SLC25A21: variants seen among roughly 807,000 people sequenced by gnomAD.
SLC25A21 encodes the protein solute carrier family 25 member 21.
Under a neutral mutation model 43.8 loss-of-function variants are expected in SLC25A21, and 47 were observed. The observed-to-expected ratio is 1.07, with a 90% CI of 0.85 to 1.37. SLC25A21 has a LOEUF of 1.37. Ranked by LOEUF, SLC25A21 falls within the 40% of genes most tolerant of loss-of-function variation. SLC25A21 has a pLI of 0.00. For synonymous variants in SLC25A21, 131 were observed against 121.3 expected (o/e 1.08, Z -0.52); for missense variants, 352 against 350.2 (o/e 1.00, Z -0.04).
intron 2 of SLC25A21, among the ~76,000 whole-genome samples, chr14:36,859,710 T>G (rs1890010943): frequency 6.6e-6 from 1 of 152,182 alleles, no homozygotes; most frequent in South Asian, 2.1e-4. Flanking sequence ...CTCTGTGGTG[T>G]AAAACCACAC....
intron 1 of SLC25A21, among the ~76,000 whole-genome samples, chr14:36,975,495 C>A (rs921053498): frequency 6.6e-6 from 1 of 152,118 alleles, no homozygotes; most frequent in African/African-American, 2.4e-5. Context: ...CTGAAGTGGA[C>A]ATTTCATTTG....
chr14:36,811,855 T>G (rs1480977151), intron 3 of SLC25A21, among the ~76,000 whole-genome samples: 3 of 152,186 alleles, frequency 2.0e-5, no homozygotes, highest in African/African-American at 7.2e-5. Flanking sequence ...GAAGAAATGT[T>G]TATAATCTTG....
chr14:36,981,764 C>A (rs938220254), intron 1 of SLC25A21, among the ~76,000 whole-genome samples: 3 of 152,030 alleles, frequency 2.0e-5, no homozygotes, highest in African/African-American at 7.3e-5. Flanking sequence ...GTGCAGCATA[C>A]CAACATGGCA....
At chr14:37,020,313 A>T (rs1960957135) in intron 1 of SLC25A21, among the ~76,000 whole-genome samples, 1 of 151,976 alleles carries the variant, frequency 6.6e-6, no homozygotes, top group Non-Finnish European at 1.5e-5. Flanking sequence ...ATAACATTTC[A>T]AGATACTAGT....
rs1342534676 is a variant in SLC25A21 at position 36,810,422 on chromosome 14, A to G, written c.203+3496T>C. Among the ~76,000 whole-genome samples the G allele has an allele frequency of 5.9e-5, 9 of 152,188 alleles. No individual in the cohort carries two copies. In the East Asian group the frequency reaches 1.7e-3, roughly 29 times the overall value. ...AGTAATGCTGACATTACTGTTTTGC[A>G]GGAAAGGGATACTTTCATTGGCTAT... On this transcript the variant is annotated intron_variant, in intron 3 of 9. Coordinates refer to ENST00000331299, the MANE Select transcript of SLC25A21 (RefSeq NM_030631.4).
At chr14:36,768,510 A>C (rs1886495502) in intron 3 of SLC25A21, among the ~76,000 whole-genome samples, 1 of 152,124 alleles carries the variant, frequency 6.6e-6, no homozygotes. Flanking sequence ...TCTGACATAC[A>C]CAGGCTTTCT....
chr14:37,096,957 C>T (rs1053782359), intron 1 of SLC25A21: 1 of 149,504 alleles, frequency 6.7e-6, no homozygotes, highest in African/African-American at 2.5e-5. Context: ...CATTGAAGGG[C>T]TAGGTGTTTA....
At chr14:36,687,761 C>G (rs903751306) in intron 7 of SLC25A21, among the ~76,000 whole-genome samples, 1 of 152,224 alleles carries the variant, frequency 6.6e-6, no homozygotes, top group Admixed American at 6.5e-5. Context: ...TCCCGTTCAT[C>G]CTCTCCTGGC....
intron 1 of SLC25A21, among the ~76,000 whole-genome samples, chr14:36,941,702 G>T (rs1298705969): frequency 6.6e-6 from 1 of 151,328 alleles, no homozygotes; most frequent in East Asian, 1.9e-4. Context: ...TTCATTAATG[G>T]TCAAAATATT....
At chr14:36,845,333 T>A (rs552024744) in intron 2 of SLC25A21, among the ~76,000 whole-genome samples, 1 of 152,218 alleles carries the variant, frequency 6.6e-6, no homozygotes, top group Non-Finnish European at 1.5e-5. Flanking sequence ...AAAAAAAGTA[T>A]GTTCAGAGCA....
Position 36,680,536 on chromosome 14 carries a change from T to TTTG in SLC25A21, c.*119_*121dup, listed in dbSNP as rs1428724225. ...CATTTTTTAAAGTATTAAAATAGAT[T>TTTG]TTGTTCTTGAACAGTTTTCTCCTTC... On this transcript the variant is annotated 3_prime_UTR_variant, in exon 10 of 10. Coordinates refer to ENST00000331299, the MANE Select transcript of SLC25A21 (RefSeq NM_030631.4). The TTTG allele has an allele frequency of 2.2e-6, 3 of 1,375,648 alleles. No individual in the cohort carries two copies. Among genetic ancestry groups the TTTG allele is most frequent in the Non-Finnish European group, 2.8e-6 (3 of 1,061,286 alleles). 85.2% of individuals were successfully genotyped at this position (1,375,648 alleles called of 1,614,324 possible).
At chr14:36,908,394 A>G (rs1891591444) in intron 1 of SLC25A21, among the ~76,000 whole-genome samples, 1 of 152,212 alleles carries the variant, frequency 6.6e-6, no homozygotes, top group South Asian at 2.1e-4. Flanking sequence ...ATGGTGGGAA[A>G]GCATACAGCA....
At chr14:37,013,521 C>A (rs1049356459) in intron 1 of SLC25A21, among the ~76,000 whole-genome samples, 3 of 152,208 alleles carry the variant, frequency 2.0e-5, no homozygotes, top group Middle Eastern at 3.4e-3. Context: ...GGCTTGTTTT[C>A]AAAAATCTCT....
At chr14:37,112,975 G>A (rs966775449) in intron 1 of SLC25A21, among the ~76,000 whole-genome samples, 16 of 151,980 alleles carry the variant, frequency 1.1e-4, no homozygotes, top group African/African-American at 1.9e-4. Context: ...AAAAAAAATC[G>A]GAATAGATGC....
rs533030989 is a variant in SLC25A21 at position 36,811,660 on chromosome 14, C to A, written c.203+2258G>T. On this transcript the variant is annotated intron_variant, in intron 3 of 9. Transcript: ENST00000331299. ...GAGTGAGAGTCCGTCTCAAAAAAAA[C>A]CCCCAAAGCAAAACAAAACAAAAAA... 4.6e-5 allele frequency among the ~76,000 whole-genome samples: 7 copies of A among 152,018 alleles called. No homozygotes were observed. The East Asian group carries it at 5.8e-4, about 13-fold the overall frequency.
intron 3 of SLC25A21, among the ~76,000 whole-genome samples, chr14:36,778,489 T>G (rs1886918394): frequency 6.6e-6 from 1 of 152,234 alleles, no homozygotes; most frequent in South Asian, 2.1e-4. Context: ...AAGGGTTCAC[T>G]CATTCATTCA....
At chr14:37,161,977 A>AG (rs1178438712) in intron 1 of SLC25A21, among the ~76,000 whole-genome samples, 3 of 150,816 alleles carry the variant, frequency 2.0e-5, no homozygotes, top group Non-Finnish European at 4.4e-5. Context: ...AAAAAAAAAA[A>AG]AAAAAAGAAA....
At chr14:37,012,955 T>C (rs568515207) in intron 1 of SLC25A21, among the ~76,000 whole-genome samples, 35 of 152,296 alleles carry the variant, frequency 2.3e-4, no homozygotes, top group Middle Eastern at 3.4e-3. Context: ...ACTGTGAACT[T>C]AGAATTCGGA....
In SLC25A21 at chr14:37,166,180, C is replaced by T. The variant is rs1007339232; in HGVS notation, c.70+6101G>A. Among the ~76,000 whole-genome samples, 167 of 152,320 alleles carry T rather than the reference C, an allele frequency of 1.1e-3. 1 individual carries two copies. The highest frequency in any genetic ancestry group is 3.8e-3 in the African/African-American group (158 of 41,574). On this transcript the variant is annotated intron_variant, in intron 1 of 9. Transcript: ENST00000331299. ...TTTCAATTCCTACTTGCTCTCATGTCCAGATCCCTTTTTCAGTCCACAATG... is the reference window on the plus strand; with the variant it reads ...TTTCAATTCCTACTTGCTCTCATGTTCAGATCCCTTTTTCAGTCCACAATG...
Sources: gnomAD v4.1 joint callset for allele counts (sites outside exome capture counted in the v4.1 genomes callset) on GRCh38, gnomAD v4.1.1 for gene constraint, MANE v1.5 for transcripts, NCBI Gene and HGNC (gene_info 2026-07-23, HGNC 2026-07-21) for gene names.